Variants in UIMC1 observed in about 807,000 individuals in gnomAD.
UIMC1 encodes the protein BRCA1-A complex subunit RAP80.
A neutral mutation model predicts 84.9 loss-of-function variants in UIMC1; 42 were observed. The observed-to-expected ratio is 0.49, with a 90% confidence interval of 0.39 to 0.64. The LOEUF (loss-of-function observed/expected upper bound fraction) is 0.64, where lower values mean the gene tolerates loss of function less well. Ranked by LOEUF, UIMC1 falls within the 30% of genes least tolerant of loss-of-function variation. UIMC1 has a pLI of 0.00. For synonymous variants in UIMC1, 281 were observed against 293.0 expected (o/e 0.96, Z 0.42); for missense variants, 825 against 847.6 (o/e 0.97, Z 0.33).
chr5:177,019,509 G>A (rs1025056212), intron 1 of UIMC1, among the ~76,000 whole-genome samples: 2 of 151,852 alleles, frequency 1.3e-5, no homozygotes, highest in African/African-American at 4.8e-5. Flanking sequence ...GGGCATGTTG[G>A]TGTCCACTTG....
Position 176,906,013 on chromosome 5 carries a change from G to A in UIMC1, c.1947C>T (p.Phe649=). ...ATTCAGTGCACAATCCAATTCACCT[G>A]AAGGCTCCTGTTTCTGAAGACTTGA... is the stretch of plus-strand genomic sequence containing the variant. ...ADIKSSETGA[F]RVPSPGMEEA... The change falls in exon 14 of 15, where the codon TTC becomes TTT. Residue 649 remains phenylalanine (F), a splice_region_variant and synonymous_variant. Coordinates refer to ENST00000511320, the MANE Select transcript of UIMC1 (RefSeq NM_001199298.2). 1.9e-6 allele frequency: 3 copies of A among 1,614,058 alleles called. No individual in the cohort carries two copies. Among genetic ancestry groups the A allele is most frequent in the Non-Finnish European group, 2.5e-6 (3 of 1,179,964 alleles).
chr5:176,976,845 T>C (rs1236365898), intron 2 of UIMC1, among the ~76,000 whole-genome samples: 1 of 152,230 alleles, frequency 6.6e-6, no homozygotes, highest in Non-Finnish European at 1.5e-5. Flanking sequence ...TCTAGGCCCC[T>C]GCTACTGGGC....
At chr5:176,926,479 A>C (rs1446657063) in intron 10 of UIMC1, among the ~76,000 whole-genome samples, 1 of 152,032 alleles carries the variant, frequency 6.6e-6, no homozygotes, top group East Asian at 1.9e-4. Flanking sequence ...TACAAAATTA[A>C]AATTAAAATT....
chr5:176,956,586 C>T (rs571653839), intron 7 of UIMC1, among the ~76,000 whole-genome samples: 1 of 152,230 alleles, frequency 6.6e-6, no homozygotes, highest in Admixed American at 6.5e-5. Flanking sequence ...TCTTTTCTAA[C>T]AAAAACTTAA....
chr5:176,975,159 TAA>T (rs1269605064), intron 3 of UIMC1, among the ~76,000 whole-genome samples: 1 of 151,904 alleles, frequency 6.6e-6, no homozygotes, highest in Non-Finnish European at 1.5e-5. Flanking sequence ...AAAATAAATT[TAA>T]AAAAATTTTT....
chr5:177,008,412 C>T (rs2149552701), upstream of UIMC1, among the ~76,000 whole-genome samples: 1 of 152,256 alleles, frequency 6.6e-6, no homozygotes, highest in South Asian at 2.1e-4. Flanking sequence ...GTCTATATCT[C>T]TTCTATAAGA....
intron 1 of UIMC1, among the ~76,000 whole-genome samples, chr5:176,989,375 A>C (rs891826582): frequency 6.6e-6 from 1 of 152,202 alleles, no homozygotes; most frequent in Non-Finnish European, 1.5e-5. Context: ...AGATGAAAAA[A>C]TTAGCCAGGC....
chr5:176,986,855 A>G (rs1043409047), intron 1 of UIMC1, among the ~76,000 whole-genome samples: 5 of 148,966 alleles, frequency 3.4e-5, no homozygotes, highest in African/African-American at 1.2e-4. Flanking sequence ...TACTCAACTT[A>G]GAAGTAAAAC....
At chr5:176,984,250 T>C (rs1368708087) in intron 1 of UIMC1, among the ~76,000 whole-genome samples, 9 of 122,912 alleles carry the variant, frequency 7.3e-5, no homozygotes, top group Non-Finnish European at 1.1e-4. Flanking sequence ...GGAGTGCCTC[T>C]GCCCGGCCGG....
chr5:176,934,139 C>T (rs905112607), intron 10 of UIMC1, among the ~76,000 whole-genome samples: 1 of 152,100 alleles, frequency 6.6e-6, no homozygotes, highest in Non-Finnish European at 1.5e-5. Context: ...TCCTCCCTAC[C>T]CTCAGCATCC....
chr5:176,955,269 A>G, intron 8 of UIMC1, among the ~76,000 whole-genome samples: 1 of 152,234 alleles, frequency 6.6e-6, no homozygotes, highest in East Asian at 1.9e-4. Flanking sequence ...AAAACAAAGT[A>G]CCTATCTTTT....
intron 3 of UIMC1, among the ~76,000 whole-genome samples, chr5:176,972,563 T>C: frequency 6.6e-6 from 1 of 151,660 alleles, no homozygotes; most frequent in Non-Finnish European, 1.5e-5. Context: ...TGGTGAAACC[T>C]CATCTCTACT....
chr5:177,022,585 T>C (rs1581748229), exon 1 of UIMC1: 7 of 763,968 alleles, frequency 9.2e-6, no homozygotes, highest in Non-Finnish European at 1.2e-5. Flanking sequence ...GTACCAGAGG[T>C]AGCAAAGCAA....
chr5:176,958,603 A>G (rs1581532466), intron 6 of UIMC1, among the ~76,000 whole-genome samples: 1 of 152,236 alleles, frequency 6.6e-6, no homozygotes, highest in African/African-American at 2.4e-5. Context: ...TTTTCAAAGG[A>G]AATACTGAGT....
intron 11 of UIMC1, among the ~76,000 whole-genome samples, chr5:176,909,116 T>C (rs1055991620): frequency 6.6e-6 from 1 of 152,212 alleles, no homozygotes; most frequent in Admixed American, 6.5e-5. Context: ...TTTACCAGGG[T>C]GGATGAACTT....
chr5:176,972,516 A>G (rs1769403637), intron 3 of UIMC1, among the ~76,000 whole-genome samples: 1 of 152,184 alleles, frequency 6.6e-6, no homozygotes. Flanking sequence ...CAGGCAGATC[A>G]CCTGAGGTCA....
intron 1 of UIMC1, among the ~76,000 whole-genome samples, chr5:177,000,823 T>G (rs1474976360): frequency 6.6e-6 from 1 of 152,128 alleles, no homozygotes; most frequent in East Asian, 1.9e-4. Context: ...TGGAGTAATG[T>G]CTATTCAAAT....
intron 6 of UIMC1, among the ~76,000 whole-genome samples, chr5:176,966,759 C>T (rs1768365477): frequency 6.6e-6 from 1 of 152,076 alleles, no homozygotes; most frequent in Non-Finnish European, 1.5e-5. Flanking sequence ...TAAATATACA[C>T]CATTATGTAA....
intron 10 of UIMC1, among the ~76,000 whole-genome samples, chr5:176,930,031 C>T (rs1226992128): frequency 6.6e-6 from 1 of 152,158 alleles, no homozygotes; most frequent in Non-Finnish European, 1.5e-5. Flanking sequence ...TAATGGATGA[C>T]AGTGGTGCAT....
Sources: allele counts gnomAD v4.1 joint callset (sites outside exome capture counted in the v4.1 genomes callset), GRCh38; gene constraint gnomAD v4.1.1; transcripts MANE v1.5; gene names NCBI Gene and HGNC (gene_info 2026-07-23, HGNC 2026-07-21).